The following PDZRN4 variants were observed in gnomAD, a reference collection of about 807,000 sequenced individuals.
The protein encoded by PDZRN4 is PDZ domain containing ring finger 4, also known as PDZ domain-containing RING finger protein 4.
A neutral mutation model predicts 99.0 loss-of-function variants in PDZRN4; 70 were observed. The ratio of observed to expected loss-of-function variants is 0.71; its 90% CI spans 0.58 to 0.86. The LOEUF is 0.86. Among genes scored for constraint, PDZRN4 ranks in the 40% least tolerant of loss-of-function variants. The probability of loss-of-function intolerance (pLI) is 0.00; values close to 1 mark genes in which losing one functional copy is unlikely to be tolerated. For synonymous variants in PDZRN4, 551 were observed against 501.6 expected, an observed-to-expected ratio of 1.10 and a Z score of -1.32; for missense variants, 1,474 against 1,331.2, an observed-to-expected ratio of 1.11 and a Z score of -1.67.
chr12:41,220,541 A>C (rs1950948283), intron 3 of PDZRN4, among the ~76,000 whole-genome samples: 3 of 152,190 alleles, frequency 2.0e-5, no homozygotes, highest in Admixed American at 2.0e-4. Context: ...ACCTGCCATC[A>C]AGTAGCACTC....
chr12:41,231,102 C>T (rs763868613), intron 3 of PDZRN4, among the ~76,000 whole-genome samples: 7 of 151,944 alleles, frequency 4.6e-5, no homozygotes, highest in Non-Finnish European at 1.0e-4. Context: ...GAAATTCATT[C>T]ATGAACTCAC....
intron 5 of PDZRN4, among the ~76,000 whole-genome samples, chr12:41,540,561 A>AT (rs919886395): frequency 6.6e-6 from 1 of 152,196 alleles, no homozygotes; most frequent in African/African-American, 2.4e-5. Context: ...TTTGCACTAT[A>AT]TTTTTTGCAA....
intron 3 of PDZRN4, among the ~76,000 whole-genome samples, chr12:41,285,546 A>G (rs1317267499): frequency 6.6e-6 from 1 of 152,234 alleles, no homozygotes. Flanking sequence ...CTATAAAGAT[A>G]CATGCACATG....
intron 2 of PDZRN4, among the ~76,000 whole-genome samples, chr12:41,193,807 C>T (rs781343099): frequency 2.0e-5 from 3 of 152,112 alleles, no homozygotes; most frequent in Non-Finnish European, 4.4e-5. Flanking sequence ...GTTTATTTCA[C>T]CTTGTACATG....
Position 41,560,250 on chromosome 12 carries a change from G to A in PDZRN4, c.1366-3298G>A, listed in dbSNP as rs78667359. ...CTTGATGGTTGGATGTCAAGAATTT[G>A]AGTTGCCCACCTACCTCTGGTACAA... On this transcript the variant is annotated intron_variant, in intron 7 of 9. Transcript: ENST00000402685. 8.5e-3 allele frequency among the ~76,000 whole-genome samples: 1,288 copies of A among 152,224 alleles called. 25 individuals carry two copies. Among genetic ancestry groups the A allele is most frequent in the African/African-American group, 0.029 (1,204 of 41,552 alleles).
intron 3 of PDZRN4, among the ~76,000 whole-genome samples, chr12:41,289,926 G>C (rs1951446615): frequency 6.6e-6 from 1 of 152,170 alleles, no homozygotes; most frequent in South Asian, 2.1e-4. Flanking sequence ...GTGGAATTCT[G>C]ACTGCATAGT....
At chr12:41,486,723 G>A (rs1337015728) in intron 3 of PDZRN4, among the ~76,000 whole-genome samples, 1 of 152,124 alleles carries the variant, frequency 6.6e-6, no homozygotes, top group Non-Finnish European at 1.5e-5. Context: ...TTCTCGGAAA[G>A]TTGTGTGTCA....
intron 3 of PDZRN4, among the ~76,000 whole-genome samples, chr12:41,463,544 T>A (rs963453063): frequency 1.3e-5 from 2 of 151,996 alleles, no homozygotes; most frequent in Non-Finnish European, 1.5e-5. Context: ...AATAATATAA[T>A]CTTTAAATAA....
At chr12:41,314,749 T>G (rs73122881) in intron 3 of PDZRN4, among the ~76,000 whole-genome samples, 1,595 of 152,298 alleles carry the variant, frequency 0.01, 9 homozygotes, top group Middle Eastern at 0.031. Context: ...GTAGGATTCT[T>G]TTTGCTTTTG....
At chr12:41,504,080 C>A (rs1181165569) in intron 3 of PDZRN4, among the ~76,000 whole-genome samples, 1 of 151,908 alleles carries the variant, frequency 6.6e-6, no homozygotes, top group Non-Finnish European at 1.5e-5. Context: ...ACCATCCTGG[C>A]CAACATAGTG....
intron 3 of PDZRN4, among the ~76,000 whole-genome samples, chr12:41,277,504 T>A (rs1031137920): frequency 1.3e-5 from 2 of 152,176 alleles, no homozygotes; most frequent in Non-Finnish European, 2.9e-5. Context: ...GCAGATATGA[T>A]GTCTATAAAC....
intron 3 of PDZRN4, among the ~76,000 whole-genome samples, chr12:41,198,236 A>T (rs1412919310): frequency 1.3e-5 from 2 of 152,012 alleles, no homozygotes. Flanking sequence ...TATTTCTATG[A>T]TACTGATAGC....
chr12:41,240,089 T>C (rs370044726), intron 3 of PDZRN4, among the ~76,000 whole-genome samples: 4 of 152,084 alleles, frequency 2.6e-5, no homozygotes, highest in African/African-American at 9.6e-5. Flanking sequence ...GTATTGCATA[T>C]TGTATTTTCT....
chr12:41,301,570 T>G (rs1350344070), intron 3 of PDZRN4, among the ~76,000 whole-genome samples: 2 of 152,096 alleles, frequency 1.3e-5, no homozygotes, highest in Non-Finnish European at 2.9e-5. Context: ...AAGTTTTTAA[T>G]ATCTCACTAA....
At chr12:41,401,537 G>C (rs11180887) in intron 3 of PDZRN4, among the ~76,000 whole-genome samples, 21,387 of 151,864 alleles carry the variant, frequency 0.14, 3,315 homozygotes, top group African/African-American at 0.37. Context: ...TTTCTTCCTC[G>C]CTTGCCTCAA....
chr12:41,381,263 C>T (rs1033234446), intron 3 of PDZRN4, among the ~76,000 whole-genome samples: 14 of 152,080 alleles, frequency 9.2e-5, no homozygotes, highest in African/African-American at 3.1e-4. Flanking sequence ...CCATTTCTCA[C>T]CCCAAATTTG....
intron 3 of PDZRN4, among the ~76,000 whole-genome samples, chr12:41,415,302 A>G (rs1952435246): frequency 6.7e-6 from 1 of 149,804 alleles, no homozygotes; most frequent in African/African-American, 2.4e-5. Context: ...GGAAAAGTCA[A>G]TGGAAATTTA....
At chr12:41,407,492 A>G (rs1379767) in intron 3 of PDZRN4, among the ~76,000 whole-genome samples, 29,081 of 152,134 alleles carry the variant, frequency 0.19, 3,041 homozygotes, top group Non-Finnish European at 0.23. Context: ...TTTCATGTTC[A>G]TAATAACTAG....
chr12:41,409,040 A>G (rs1031947988), intron 3 of PDZRN4, among the ~76,000 whole-genome samples: 4 of 152,190 alleles, frequency 2.6e-5, no homozygotes, highest in Non-Finnish European at 1.5e-5. Context: ...TATTACTGTT[A>G]TGGAATGCAT....
Sources: gnomAD v4.1 joint callset for allele counts (sites outside exome capture counted in the v4.1 genomes callset) on GRCh38, gnomAD v4.1.1 for gene constraint, MANE v1.5 for transcripts, NCBI Gene and HGNC (gene_info 2026-07-23, HGNC 2026-07-21) for gene names.